Variants in HSD17B3 observed in about 807,000 individuals in gnomAD.
HSD17B3 encodes hydroxysteroid 17-beta dehydrogenase 3.
In HSD17B3, 29 loss-of-function variants were observed where a neutral mutation model predicts 41.1. The ratio of observed to expected loss-of-function variants is 0.71; its 90% CI spans 0.53 to 0.96. HSD17B3 has a LOEUF of 0.96. Ranked by LOEUF, HSD17B3 falls within the 40% of genes least tolerant of loss-of-function variation. The pLI is 0.00. For synonymous variants in HSD17B3, 126 were observed against 145.6 expected (o/e 0.87, Z 0.97); for missense variants, 323 against 374.6 (o/e 0.86, Z 1.14).
intron 2 of HSD17B3, among the ~76,000 whole-genome samples, chr9:96,297,790 T>C (rs1032007551): frequency 6.6e-6 from 1 of 152,216 alleles, no homozygotes; most frequent in South Asian, 2.1e-4. Context: ...GAAACAATGT[T>C]TCATTAATAA....
At chr9:96,264,494 C>T (rs1825979151) in intron 2 of HSD17B3, among the ~76,000 whole-genome samples, 1 of 152,128 alleles carries the variant, frequency 6.6e-6, no homozygotes, top group South Asian at 2.1e-4. Context: ...AGTATGACTC[C>T]AGGGTAGACC....
rs185468195 is a variant in HSD17B3 at position 96,275,233 on chromosome 9, G to A, written c.202-20290C>T. 3.3e-5 allele frequency among the ~76,000 whole-genome samples: 5 copies of A among 152,182 alleles called. No individual in the cohort carries two copies. The East Asian group carries it at 7.7e-4, about 23-fold the overall frequency. ...TTGCCTTAAGAAATGCTTAAGGCAG[G>A]TCCTCAAATTGAAATGAAAACACAC... On this transcript the variant is annotated intron_variant, in intron 2 of 10. Transcript: ENST00000375263.
At chr9:96,242,927 T>C (rs1349781432) in intron 9 of HSD17B3, among the ~76,000 whole-genome samples, 1 of 152,166 alleles carries the variant, frequency 6.6e-6, no homozygotes, top group Non-Finnish European at 1.5e-5. Context: ...TGTGGCTGTG[T>C]AGGACCATGC....
In HSD17B3 at chr9:96,283,095, T is replaced by C. The variant is rs193290298; in HGVS notation, c.201+15321A>G. Among the ~76,000 whole-genome samples, 760 of 142,856 alleles carry C rather than the reference T, an allele frequency of 5.3e-3. 3 individuals carry two copies. The highest frequency in any genetic ancestry group is 0.011 in the Middle Eastern group (3 of 274). 93.7% of individuals were successfully genotyped at this position (142,856 alleles called of 152,430 possible). A position where few individuals can be genotyped will look rare whatever the true frequency, so the allele number is the denominator to read the frequency against. ...ATTTCAGCTCACTGCAACCTCTGCC[T>C]CCTGGGTTCAAGCGATCCTCCTGCC... On this transcript the variant is annotated intron_variant, in intron 2 of 10. Coordinates refer to ENST00000375263, the MANE Select transcript of HSD17B3 (RefSeq NM_000197.2).
chr9:96,279,527 T>A (rs1377311035), intron 2 of HSD17B3, among the ~76,000 whole-genome samples: 1 of 152,162 alleles, frequency 6.6e-6, no homozygotes, highest in Non-Finnish European at 1.5e-5. Context: ...TAGCAGGCTT[T>A]AGAGAGAATA....
chr9:96,300,100 G>A (rs61508499), intron 1 of HSD17B3, among the ~76,000 whole-genome samples: 4,461 of 151,374 alleles, frequency 0.029, 145 homozygotes, highest in African/African-American at 0.07. Context: ...CCACCCACAC[G>A]TGGGCATCTG....
chr9:96,269,909 G>GAAA (rs59947729), intron 2 of HSD17B3, among the ~76,000 whole-genome samples: 6 of 103,880 alleles, frequency 5.8e-5, no homozygotes, highest in Admixed American at 1.1e-4. Context: ...ATCTTAAAAA[G>GAAA]AAAAAAAAAA....
chr9:96,250,196 G>A (rs1257826628), intron 5 of HSD17B3: 4 of 1,135,696 alleles, frequency 3.5e-6, no homozygotes, highest in East Asian at 4.0e-5. Context: ...ATGGAGGGCA[G>A]GTAAAGAAAC....
intron 2 of HSD17B3, among the ~76,000 whole-genome samples, chr9:96,293,791 C>CA (rs147395733): frequency 0.018 from 2,689 of 152,278 alleles, 86 homozygotes; most frequent in African/African-American, 0.058. Flanking sequence ...CCAATAAGAA[C>CA]AAAACCTAAC....
intron 2 of HSD17B3, among the ~76,000 whole-genome samples, chr9:96,277,099 G>T (rs533792108): frequency 3.3e-5 from 5 of 152,096 alleles, no homozygotes; most frequent in African/African-American, 4.8e-5. Flanking sequence ...TACGCAGGAG[G>T]CTGAGGCAGA....
chr9:96,249,376 G>A (rs541311968), intron 6 of HSD17B3, among the ~76,000 whole-genome samples: 11 of 152,240 alleles, frequency 7.2e-5, no homozygotes, highest in South Asian at 2.1e-4. Context: ...TCCAAGCCAC[G>A]CCCTCCGTCA....
chr9:96,240,633 T>C, intron 10 of HSD17B3, 125 bp downstream of exon 10: 1 of 992,570 alleles, frequency 1.0e-6, no homozygotes, highest in Admixed American at 1.7e-5. Context: ...ACATAGTCCT[T>C]GTACCTGGCT....
Position 96,243,699 on chromosome 9 carries a change from A to C in HSD17B3, c.672+630T>G, listed in dbSNP as rs186851189. 3.1e-3 allele frequency among the ~76,000 whole-genome samples: 474 copies of C among 152,272 alleles called. 1 individual carries two copies. The highest frequency in any genetic ancestry group is 0.011 in the African/African-American group (444 of 41,564). On this transcript the variant is annotated intron_variant, in intron 9 of 10. Coordinates refer to ENST00000375263, the MANE Select transcript of HSD17B3 (RefSeq NM_000197.2). ...AACCAAGCACAAATAAATCACTGACACTTTAGGAATCACATTGCTCAGCCT... is the reference window on the plus strand; with the variant it reads ...AACCAAGCACAAATAAATCACTGACCCTTTAGGAATCACATTGCTCAGCCT...
intron 1 of HSD17B3, among the ~76,000 whole-genome samples, chr9:96,300,511 AT>A (rs1827555681): frequency 7.1e-6 from 1 of 141,410 alleles, no homozygotes; most frequent in Non-Finnish European, 1.5e-5. Context: ...GGTATCCTGT[AT>A]TTTATCTGGC....
intron 2 of HSD17B3, among the ~76,000 whole-genome samples, chr9:96,286,748 C>A (rs112507738): frequency 2.6e-5 from 4 of 152,104 alleles, no homozygotes; most frequent in African/African-American, 9.6e-5. Context: ...TCTGGTCATC[C>A]TCACTGCTAC....
chr9:96,282,322 T>C (rs1465823071), intron 2 of HSD17B3, among the ~76,000 whole-genome samples: 3 of 152,236 alleles, frequency 2.0e-5, no homozygotes, highest in African/African-American at 4.8e-5. Flanking sequence ...TCAAATATTT[T>C]ATGAGAAAAG....
Position 96,251,408 on chromosome 9 carries a change from A to G in HSD17B3, c.453+10T>C. Reference sequence around the variant, plus strand: ...AAGAGGAATCTATACACAGAAGAGCACAAGTCTACCTGGATTTCATCCGGT... The same window carrying G: ...AAGAGGAATCTATACACAGAAGAGCGCAAGTCTACCTGGATTTCATCCGGT... On this transcript the variant is annotated intron_variant, in intron 5 of 10. Coordinates refer to ENST00000375263, the MANE Select transcript of HSD17B3 (RefSeq NM_000197.2). 6.2e-7 allele frequency: 1 copy of G among 1,612,514 alleles called. No homozygotes were observed. Among genetic ancestry groups the G allele is most frequent in the Non-Finnish European group, 8.5e-7 (1 of 1,178,506 alleles).
At chr9:96,297,030 C>CAA (rs112810399) in intron 2 of HSD17B3, among the ~76,000 whole-genome samples, 16 of 119,008 alleles carry the variant, frequency 1.3e-4, no homozygotes, top group East Asian at 4.9e-4. Flanking sequence ...GCAAGTGTCT[C>CAA]AAAAAAAAAA....
At chr9:96,247,103 G>A in intron 6 of HSD17B3, 1 of 170,742 alleles carries the variant, frequency 5.9e-6, no homozygotes, top group South Asian at 1.5e-4. Context: ...GGCCACTCCT[G>A]TGTATTGGAA....
Sources: gnomAD v4.1 joint callset for allele counts (sites outside exome capture counted in the v4.1 genomes callset) on GRCh38, gnomAD v4.1.1 for gene constraint, MANE v1.5 for transcripts, NCBI Gene and HGNC (gene_info 2026-07-23, HGNC 2026-07-21) for gene names.